The following METTL27 variants were observed in gnomAD, a reference collection of about 807,000 sequenced individuals.
METTL27 encodes methyltransferase-like protein 27.
Under a neutral mutation model 24.5 loss-of-function variants are expected in METTL27, and 29 were observed. The ratio of observed to expected loss-of-function variants is 1.18; its 90% CI spans 0.88 to 1.61. METTL27 has a LOEUF of 1.61. Ranked by LOEUF, METTL27 falls within the 40% of genes most tolerant of loss-of-function variation. METTL27 has a pLI of 0.00. For synonymous variants in METTL27, 138 were observed against 146.8 expected (o/e 0.94, Z 0.43); for missense variants, 341 against 324.3 (o/e 1.05, Z -0.40).
chr7:73,841,108 G>A lies in METTL27; in HGVS notation c.214C>T (p.Leu72=). 2.0e-6 allele frequency: 3 copies of A among 1,524,488 alleles called. No individual in the cohort carries two copies. The highest frequency in any genetic ancestry group is 1.3e-5 in the South Asian group (1 of 76,874). 94.4% of individuals were successfully genotyped at this position (1,524,488 alleles called of 1,614,324 possible). The part of the protein sequence containing the change: ...LPGPPHSALI[L]DVACGTGLVA... Reference sequence around the variant, plus strand: ...AGGCCTGTGCCACAGGCCACGTCCAGGATCAGGGCACTGTGGGGCGGGCCT... The same window carrying A: ...AGGCCTGTGCCACAGGCCACGTCCAAGATCAGGGCACTGTGGGGCGGGCCT... Residue 72 remains leucine (L), a synonymous_variant, in exon 3 of 6, where the codon CTG becomes TTG. Coordinates refer to ENST00000297873, the MANE Select transcript of METTL27 (RefSeq NM_152559.3).
Position 73,834,635 on chromosome 7 carries a change from G to C in METTL27, c.*108C>G. 1 of 903,506 alleles carries C rather than the reference G, an allele frequency of 1.1e-6. No individual in the cohort carries two copies. Among genetic ancestry groups the C allele is most frequent in the East Asian group, 2.6e-5 (1 of 37,928 alleles). The allele number at this position is 903,506 out of a possible 1,614,324, so 56.0% of individuals were successfully genotyped here. ...TAGGCAGGGCATTTCTGAGGGGCAG[G>C]GTTGGTTCGGAGGTCCCATTTTACA... On this transcript the variant is annotated 3_prime_UTR_variant, in exon 6 of 6. Transcript: ENST00000297873.
Position 73,834,630 on chromosome 7 carries a change from G to A in METTL27, c.*113C>T. 1.2e-6 allele frequency: 1 copy of A among 863,136 alleles called. No homozygotes were observed. The highest frequency in any genetic ancestry group is 1.8e-6 in the Non-Finnish European group (1 of 556,370). The allele number at this position is 863,136 out of a possible 1,614,324, so 53.5% of individuals were successfully genotyped here. ...TTTAATAGGCAGGGCATTTCTGAGG[G>A]GCAGGGTTGGTTCGGAGGTCCCATT... On this transcript the variant is annotated 3_prime_UTR_variant, in exon 6 of 6. Transcript: ENST00000297873.
In METTL27 at chr7:73,842,004, C is replaced by A; in HGVS notation, c.123+14G>T. 1 of 1,614,092 alleles carries A rather than the reference C, an allele frequency of 6.2e-7. No homozygotes were observed. Among genetic ancestry groups the A allele is most frequent in the South Asian group, 1.1e-5 (1 of 91,086 alleles). On this transcript the variant is annotated intron_variant, in intron 2 of 5. Coordinates refer to ENST00000297873, the MANE Select transcript of METTL27 (RefSeq NM_152559.3). ...AGGCTGGTCTAGTGGAGGCAAGGCCCCAAATGAGTTTACCTGGTCGTAGTC... is the reference window on the plus strand; with the variant it reads ...AGGCTGGTCTAGTGGAGGCAAGGCCACAAATGAGTTTACCTGGTCGTAGTC...
At chr7:73,836,211 C>T (rs1788186993) in intron 5 of METTL27, among the ~76,000 whole-genome samples, 1 of 47,500 alleles carries the variant, frequency 2.1e-5, no homozygotes, top group Admixed American at 2.1e-4. Context: ...GCCAGCCGCC[C>T]CGTCCGGGAG....
chr7:73,839,127 A>G (rs1395452051), intron 5 of METTL27, among the ~76,000 whole-genome samples: 1 of 152,194 alleles, frequency 6.6e-6, no homozygotes, highest in Non-Finnish European at 1.5e-5. Context: ...TATTAAAAAT[A>G]CAAAAATTAG....
At chr7:73,842,230 A>G in intron 1 of METTL27, 86 bp from the exon 2 acceptor site, 1 of 1,504,824 alleles carries the variant, frequency 6.6e-7, no homozygotes, top group Non-Finnish European at 8.8e-7. Context: ...CCTTCAGAGG[A>G]GGCTGCCAGG....
intron 5 of METTL27, among the ~76,000 whole-genome samples, chr7:73,835,883 G>A (rs1788166069): frequency 7.0e-6 from 1 of 143,572 alleles, no homozygotes; most frequent in Non-Finnish European, 1.5e-5. Flanking sequence ...TGGGATGTGA[G>A]GAGCACCTCT....
chr7:73,834,916 G>A lies in METTL27; in HGVS notation c.565C>T (p.Gln189Ter). Residue 189 changes from glutamine to a stop codon, truncating the protein, a stop_gained, in exon 6 of 6, where the codon CAG (glutamine) becomes TAG (stop). Transcript: ENST00000297873. LOFTEE classifies it high-confidence loss of function. Reference protein sequence around the residue: ...ALEATLDRLEQAGMWEGLVAW... With the variant: ...ALEATLDRLE ...ACCAGGCCTTCCCACATCCCAGCCT[G>A]CTCCAGCCTGTCCAGGGTGGCCTCC... 2 of 1,614,058 alleles carry A rather than the reference G, an allele frequency of 1.2e-6. No individual in the cohort carries two copies. The highest frequency in any genetic ancestry group is 8.5e-7 in the Non-Finnish European group (1 of 1,180,018).
chr7:73,839,683 A>G (rs73369963), intron 5 of METTL27: 4,854 of 238,644 alleles, frequency 0.02, 218 homozygotes, highest in African/African-American at 0.1. Context: ...GGACCAAAGC[A>G]AAAACCTTAG....
At position 73,841,209 on chromosome 7, in the gene METTL27, A is replaced by G; in HGVS notation, c.124-11T>C. 1 of 1,555,960 alleles carries G rather than the reference A, an allele frequency of 6.4e-7. No homozygotes were observed. Among genetic ancestry groups the G allele is most frequent in the Admixed American group, 2.1e-5 (1 of 47,952 alleles). ...CAGGGTGGCCACATCCTGGGGAAAGAGTGCCGGGCCTACAACACCGGTGCC... is the reference window on the plus strand; with the variant it reads ...CAGGGTGGCCACATCCTGGGGAAAGGGTGCCGGGCCTACAACACCGGTGCC... On this transcript the variant is annotated splice_polypyrimidine_tract_variant and intron_variant, in intron 2 of 5. Coordinates refer to ENST00000297873, the MANE Select transcript of METTL27 (RefSeq NM_152559.3).
Position 73,841,061 on chromosome 7 carries a change from G to A in METTL27, c.252+9C>T, listed in dbSNP as rs1554636312. 2.0e-6 allele frequency: 3 copies of A among 1,476,042 alleles called. No individual in the cohort carries two copies. Among genetic ancestry groups the A allele is most frequent in the Admixed American group, 6.1e-5 (2 of 32,700 alleles). The allele number at this position is 1,476,042 out of a possible 1,614,324, so 91.4% of individuals were successfully genotyped here. ...TAAGGAGTAGGCAGGGGATCTGGAA[G>A]AGCCTCACCTCGGCAGCCACTAGGC... On this transcript the variant is annotated intron_variant, in intron 3 of 5. Transcript: ENST00000297873.
In METTL27 at chr7:73,840,326, G is replaced by A. The variant is rs1788315556; in HGVS notation, c.388+88C>T. ...TGCAGGGTTGAGTGAGGGACTGGGAGCTTAGTGTGGGAGAGGGATGGAGGA... is the reference window on the plus strand; with the variant it reads ...TGCAGGGTTGAGTGAGGGACTGGGAACTTAGTGTGGGAGAGGGATGGAGGA... On this transcript the variant is annotated intron_variant, in intron 4 of 5. Coordinates refer to ENST00000297873, the MANE Select transcript of METTL27 (RefSeq NM_152559.3). 2.0e-6 allele frequency: 3 copies of A among 1,535,184 alleles called. No individual in the cohort carries two copies. The Admixed American group carries it at 6.1e-5, about 31-fold the overall frequency.
rs1281390684 is a variant in METTL27, at chr7:73,840,547, C to T, written c.255G>A (p.Leu85=). The T allele has an allele frequency of 6.3e-7, 1 of 1,588,856 alleles. No individual in the cohort carries two copies. Among genetic ancestry groups the T allele is most frequent in the Non-Finnish European group, 8.6e-7 (1 of 1,168,436 alleles). Reference sequence around the variant, plus strand: ...GCAGCTGGAGGAAGCCTGGAGCCCGCAGCTGGGGTAGGGGTGGGAGACTCA... The same window carrying T: ...GCAGCTGGAGGAAGCCTGGAGCCCGTAGCTGGGGTAGGGGTGGGAGACTCA... The part of the protein sequence containing the change: ...ACGTGLVAAE[L]RAPGFLQLHG... Residue 85 remains leucine (L), a splice_region_variant and synonymous_variant, in exon 4 of 6, where the codon CTG becomes CTA. Transcript: ENST00000297873.
intron 5 of METTL27, among the ~76,000 whole-genome samples, chr7:73,835,975 G>C (rs1262350037): frequency 9.1e-4 from 115 of 126,094 alleles, no homozygotes; most frequent in Non-Finnish European, 1.5e-3. Context: ...CCCTCCGCCT[G>C]GCAGCCGCCC....
At chr7:73,841,019 T>C (rs78793491) in intron 3 of METTL27, 51 bp downstream of exon 3, 7 of 1,412,428 alleles carry the variant, frequency 5.0e-6, no homozygotes, top group Non-Finnish European at 6.5e-6. Flanking sequence ...AGTAGGAGAT[T>C]TGAGGAAGTG....
rs13232463 is a variant in METTL27, at chr7:73,834,969, G to C, written c.512C>G (p.Ser171Trp). 1,150,745 of 1,612,500 alleles carry C rather than the reference G, an allele frequency of 0.71. 415,626 individuals carry two copies. Among genetic ancestry groups the C allele is most frequent in the Non-Finnish European group, 0.75 (888,511 of 1,179,634 alleles). Reference sequence around the variant, plus strand: ...AGCCTCCTTGTATTGAAGGTTGGACGAGTTGGTCCTGGTGGTCAGACACAC... The same window carrying C: ...AGCCTCCTTGTATTGAAGGTTGGACCAGTTGGTCCTGGTGGTCAGACACAC... Reference protein sequence around the residue: ...GLVCLTTRTNSSNLQYKEALE... With the variant: ...GLVCLTTRTNWSNLQYKEALE... Residue 171 changes from serine to tryptophan, a missense_variant, in exon 6 of 6, where the codon TCG (serine) becomes TGG (tryptophan). Coordinates refer to ENST00000297873, the MANE Select transcript of METTL27 (RefSeq NM_152559.3).
At chr7:73,839,503 G>A (rs782180985) in intron 5 of METTL27, 1 of 153,044 alleles carries the variant, frequency 6.5e-6, no homozygotes, top group Non-Finnish European at 1.5e-5. Flanking sequence ...GCAGCGCAAT[G>A]TGCAAAGTTT....
chr7:73,834,741 T>A lies in METTL27; in HGVS notation c.*2A>T. The A allele has an allele frequency of 6.2e-7, 1 of 1,613,048 alleles. No homozygotes were observed. The highest frequency in any genetic ancestry group is 8.5e-7 in the Non-Finnish European group (1 of 1,179,430). ...GGCCAGCTGGGGGCTGGGGGCTGGATCTCACTTCCTCAACCTGGGTCGCCT... is the reference window on the plus strand; with the variant it reads ...GGCCAGCTGGGGGCTGGGGGCTGGAACTCACTTCCTCAACCTGGGTCGCCT... On this transcript the variant is annotated 3_prime_UTR_variant, in exon 6 of 6. Coordinates refer to ENST00000297873, the MANE Select transcript of METTL27 (RefSeq NM_152559.3).
chr7:73,837,560 T>TTTTC (rs1195798320), intron 5 of METTL27, among the ~76,000 whole-genome samples: 1 of 151,572 alleles, frequency 6.6e-6, no homozygotes, highest in Non-Finnish European at 1.5e-5. Flanking sequence ...GGGAATTCCT[T>TTTTC]TTTCTTTCTT....
Sources: allele counts gnomAD v4.1 joint callset (sites outside exome capture counted in the v4.1 genomes callset), GRCh38; gene constraint gnomAD v4.1.1; transcripts MANE v1.5; gene names NCBI Gene and HGNC (gene_info 2026-07-23, HGNC 2026-07-21).